PRKCI: variants seen among roughly 807,000 people sequenced by gnomAD.
PRKCI encodes the protein protein kinase C iota type.
Under a neutral mutation model 84.0 loss-of-function variants are expected in PRKCI, and 43 were observed. The observed-to-expected ratio is 0.51, with a 90% CI of 0.40 to 0.66. The LOEUF (loss-of-function observed/expected upper bound fraction) is 0.66. Ranked by LOEUF, PRKCI falls within the 30% of genes least tolerant of loss-of-function variation. The pLI is 0.00. For missense variants in PRKCI, 459 were observed against 745.6 expected (o/e 0.62, Z 4.48); for synonymous variants, 216 against 234.4 (o/e 0.92, Z 0.72).
At chr3:170,235,453 C>T (rs1732945445) in intron 2 of PRKCI, 102 bp downstream of exon 2, 3 of 1,258,092 alleles carry the variant, frequency 2.4e-6, no homozygotes, top group African/African-American at 3.0e-5. Context: ...AGAGGAAAGA[C>T]TATTAGAAAT....
Position 170,291,836 on chromosome 3 carries a change from T to A in PRKCI, c.1204-18T>A. On this transcript the variant is annotated intron_variant, in intron 12 of 17. Coordinates refer to ENST00000295797, the MANE Select transcript of PRKCI (RefSeq NM_002740.6). ...AACTTTTTATCTCATTCTTTCTTTC[T>A]GTTCTTTTTAATAAAAGGAAGGATT... 6.4e-7 allele frequency: 1 copy of A among 1,563,874 alleles called. No homozygotes were observed. Among genetic ancestry groups the A allele is most frequent in the Non-Finnish European group, 8.8e-7 (1 of 1,134,494 alleles).
At chr3:170,234,894 C>G (rs1351796575) in intron 1 of PRKCI, among the ~76,000 whole-genome samples, 1 of 151,962 alleles carries the variant, frequency 6.6e-6, no homozygotes, top group Admixed American at 6.6e-5. Flanking sequence ...CCTACACCTC[C>G]CATGTTCCCC....
rs553731268 is a variant in PRKCI at position 170,248,551 on chromosome 3, A to G, written c.224-11418A>G. Among the ~76,000 whole-genome samples the G allele has an allele frequency of 5.9e-5, 9 of 152,148 alleles. 1 individual carries two copies. The South Asian group carries it at 6.2e-4, about 11-fold the overall frequency. On this transcript the variant is annotated intron_variant, in intron 2 of 17. Transcript: ENST00000295797. ...TTTTAGTTTCATGATGACTGCATGG[A>G]ATGTTTTGCTTCACGCTTATGCATT...
At chr3:170,268,056 A>C (rs1733908559) in intron 5 of PRKCI, 56 bp downstream of exon 5, 1 of 1,368,488 alleles carries the variant, frequency 7.3e-7, no homozygotes, top group Non-Finnish European at 1.0e-6. Flanking sequence ...TTCCCTTTCT[A>C]CTATGAAAGA....
chr3:170,242,705 C>G (rs1242385087), intron 2 of PRKCI, among the ~76,000 whole-genome samples: 1 of 151,934 alleles, frequency 6.6e-6, no homozygotes, highest in Non-Finnish European at 1.5e-5. Flanking sequence ...GATCCTTGCT[C>G]TGTCGCCCAG....
At chr3:170,255,023 A>G (rs1247014388) in intron 2 of PRKCI, among the ~76,000 whole-genome samples, 4 of 76,390 alleles carry the variant, frequency 5.2e-5, no homozygotes, top group African/African-American at 2.0e-4. Flanking sequence ...TCAGTATTTT[A>G]TGATTTTCAT....
intron 14 of PRKCI, among the ~76,000 whole-genome samples, chr3:170,293,733 A>G (rs540722898): frequency 6.6e-6 from 1 of 151,970 alleles, no homozygotes; most frequent in Non-Finnish European, 1.5e-5. Flanking sequence ...GCTCCATGCA[A>G]CCTCCACCTC....
intron 8 of PRKCI, among the ~76,000 whole-genome samples, chr3:170,277,754 T>G (rs1333800823): frequency 6.6e-6 from 1 of 152,044 alleles, no homozygotes; most frequent in African/African-American, 2.4e-5. Flanking sequence ...GAAGATGCAG[T>G]GACCTTGGCA....
At chr3:170,290,072 C>CAA (rs34466537) in intron 12 of PRKCI, among the ~76,000 whole-genome samples, 46 of 126,552 alleles carry the variant, frequency 3.6e-4, no homozygotes, top group African/African-American at 1.0e-3. Context: ...AACTCGGTCT[C>CAA]AAAAAAAAAA....
intron 2 of PRKCI, among the ~76,000 whole-genome samples, chr3:170,257,268 T>C (rs1577353663): frequency 6.6e-6 from 1 of 152,182 alleles, no homozygotes; most frequent in Non-Finnish European, 1.5e-5. Flanking sequence ...GATTTCTTAA[T>C]AGTGGGCAAC....
chr3:170,243,692 A>T (rs1438772208), intron 2 of PRKCI, among the ~76,000 whole-genome samples: 1 of 152,204 alleles, frequency 6.6e-6, no homozygotes, highest in Non-Finnish European at 1.5e-5. Flanking sequence ...GGATCAGGAA[A>T]TTGATTCCTT....
At chr3:170,301,151 A>G (rs1392366) in intron 17 of PRKCI, among the ~76,000 whole-genome samples, 29,294 of 152,180 alleles carry the variant, frequency 0.19, 2,893 homozygotes, top group Non-Finnish European at 0.21. Context: ...GCTGTCTACT[A>G]GAGGAGAAAG....
chr3:170,252,820 A>G (rs962207967), intron 2 of PRKCI, among the ~76,000 whole-genome samples: 1 of 151,974 alleles, frequency 6.6e-6, no homozygotes, highest in Non-Finnish European at 1.5e-5. Context: ...CTTGAACCAA[A>G]TACTAGATCT....
At chr3:170,252,879 G>A (rs769968978) in intron 2 of PRKCI, among the ~76,000 whole-genome samples, 32 of 151,780 alleles carry the variant, frequency 2.1e-4, no homozygotes, top group Non-Finnish European at 4.1e-4. Context: ...CACCACTATC[G>A]TTCCCAGCTT....
intron 4 of PRKCI, among the ~76,000 whole-genome samples, chr3:170,264,483 T>C (rs1733810066): frequency 6.6e-6 from 1 of 152,104 alleles, no homozygotes; most frequent in Non-Finnish European, 1.5e-5. Context: ...TTCACCATGT[T>C]GGCCAGGCCG....
At chr3:170,250,062 G>C (rs1182487454) in intron 2 of PRKCI, among the ~76,000 whole-genome samples, 1 of 151,952 alleles carries the variant, frequency 6.6e-6, no homozygotes, top group Non-Finnish European at 1.5e-5. Context: ...GATCACCTGA[G>C]GTCAGCAGTT....
chr3:170,303,398 T>A lies in PRKCI; in HGVS notation c.*271T>A. Reference sequence around the variant, plus strand: ...CCTACAGATGAGTAATGAAGTTATCTTTTTTGTTTAAAAAAAAAAAAAACA... The same window carrying A: ...CCTACAGATGAGTAATGAAGTTATCATTTTTGTTTAAAAAAAAAAAAAACA... On this transcript the variant is annotated 3_prime_UTR_variant, in exon 18 of 18. Transcript: ENST00000295797. The A allele has an allele frequency of 3.9e-6, 1 of 257,172 alleles. No individual in the cohort carries two copies. Among genetic ancestry groups the A allele is most frequent in the Non-Finnish European group, 6.8e-6 (1 of 147,252 alleles). The allele number at this position is 257,172 out of a possible 1,614,324, so 15.9% of individuals were successfully genotyped here. A position where few individuals can be genotyped will look rare whatever the true frequency, so the allele number is the denominator to read the frequency against.
At position 170,222,494 on chromosome 3, in the gene PRKCI, G is replaced by T. The variant is rs1027262710; in HGVS notation, c.-176G>T. On this transcript the variant is annotated 5_prime_UTR_variant, in exon 1 of 18. Coordinates refer to ENST00000295797, the MANE Select transcript of PRKCI (RefSeq NM_002740.6). Reference sequence around the variant, plus strand: ...GCCTACGGGCAGTGGGAGGAGCCGCGCGGTTCCGGCTGCTCCGGCGAGGCG... The same window carrying T: ...GCCTACGGGCAGTGGGAGGAGCCGCTCGGTTCCGGCTGCTCCGGCGAGGCG... 5.3e-5 allele frequency: 27 copies of T among 504,830 alleles called. No homozygotes were observed. The African/African-American group carries it at 5.5e-4, about 10-fold the overall frequency. 31.3% of individuals were successfully genotyped at this position (504,830 alleles called of 1,614,324 possible).
rs748004131 is a variant in PRKCI, at chr3:170,267,895, A to G, written c.365-20A>G. ...CAAACTTGCTCTTTTTTCTTTTTTT[A>G]ACTATTACTCTGTCTTCAGAATCCA... On this transcript the variant is annotated intron_variant, in intron 4 of 17. Transcript: ENST00000295797. The G allele has an allele frequency of 1.3e-6, 2 of 1,519,918 alleles. No homozygotes were observed. The highest frequency in any genetic ancestry group is 1.8e-6 in the Non-Finnish European group (2 of 1,126,354). 94.2% of individuals were successfully genotyped at this position (1,519,918 alleles called of 1,614,324 possible).
Sources: allele counts gnomAD v4.1 joint callset (sites outside exome capture counted in the v4.1 genomes callset), GRCh38; gene constraint gnomAD v4.1.1; transcripts MANE v1.5; gene names NCBI Gene and HGNC (gene_info 2026-07-23, HGNC 2026-07-21).